Variants in KCNH5 observed in about 807,000 individuals in gnomAD.
The protein encoded by KCNH5 is potassium voltage-gated channel subfamily H member 5.
A neutral mutation model predicts 96.1 loss-of-function variants in KCNH5; 46 were observed. The observed-to-expected ratio is 0.48, with a 90% CI of 0.38 to 0.61. The LOEUF is 0.61. Ranked by LOEUF, KCNH5 falls within the 20% of genes least tolerant of loss-of-function variation. The pLI is 0.00. For synonymous variants in KCNH5, 439 were observed against 449.8 expected (o/e 0.98, Z 0.30); for missense variants, 907 against 1,225.8 (o/e 0.74, Z 3.88).
At chr14:62,771,517 C>T (rs1295992366) in intron 10 of KCNH5, among the ~76,000 whole-genome samples, 5 of 151,832 alleles carry the variant, frequency 3.3e-5, no homozygotes, top group Admixed American at 2.0e-4. Flanking sequence ...CCCAGCTACT[C>T]GGGAGGCTGA....
chr14:62,802,623 A>T, intron 8 of KCNH5, 42 bp from the exon 9 acceptor site: 1 of 1,601,860 alleles, frequency 6.2e-7, no homozygotes, highest in South Asian at 1.1e-5. Flanking sequence ...GGAAAGAGGA[A>T]GGGGCCACTT....
chr14:63,024,378 GA>G (rs1165935953), intron 1 of KCNH5, among the ~76,000 whole-genome samples: 1 of 151,702 alleles, frequency 6.6e-6, no homozygotes, highest in East Asian at 1.9e-4. Context: ...CAGTGAACTA[GA>G]AAAAGAAGAA....
intron 1 of KCNH5, among the ~76,000 whole-genome samples, chr14:63,029,763 T>G (rs1361625090): frequency 1.3e-5 from 2 of 152,118 alleles, no homozygotes. Flanking sequence ...ATTTCTCTAT[T>G]CATTGAAACA....
intron 8 of KCNH5, among the ~76,000 whole-genome samples, chr14:62,815,815 G>A (rs188211810): frequency 4.6e-5 from 7 of 152,034 alleles, no homozygotes; most frequent in Admixed American, 2.0e-4. Flanking sequence ...TTCCAATAGA[G>A]AGAGCAAAGT....
At chr14:62,855,168 C>T (rs1040640299) in intron 7 of KCNH5, among the ~76,000 whole-genome samples, 2 of 152,018 alleles carry the variant, frequency 1.3e-5, no homozygotes, top group African/African-American at 4.8e-5. Flanking sequence ...TGGCCAATAG[C>T]TTTGGCTGAA....
chr14:62,699,489 G>A lies in KCNH5; in HGVS notation c.*8019C>T, dbSNP rs964574155. On this transcript the variant is annotated 3_prime_UTR_variant, in exon 11 of 11. Transcript: ENST00000322893. ...TTCCATAAAATGCACATTTTATTCT[G>A]TATCATGAAAAAATATCCACATTTA... is the stretch of plus-strand genomic sequence containing the variant. 6.6e-6 allele frequency: 1 copy of A among 152,026 alleles called. No individual in the cohort carries two copies. The highest frequency in any genetic ancestry group is 2.4e-5 in the African/African-American group (1 of 41,408). The allele number at this position is 152,026 out of a possible 1,614,324, so 9.4% of individuals were successfully genotyped here.
chr14:62,725,915 A>G (rs1004424188), intron 10 of KCNH5, among the ~76,000 whole-genome samples: 1 of 152,222 alleles, frequency 6.6e-6, no homozygotes. Flanking sequence ...ACTAAGAATG[A>G]CAGTAATTGA....
chr14:62,781,876 A>T (rs1886226481), intron 9 of KCNH5, among the ~76,000 whole-genome samples: 1 of 152,228 alleles, frequency 6.6e-6, no homozygotes, highest in African/African-American at 2.4e-5. Flanking sequence ...TAAGAGATTA[A>T]AGACAGGCAT....
intron 5 of KCNH5, among the ~76,000 whole-genome samples, chr14:62,981,955 T>TACAGCAGAAAACA (rs1890616247): frequency 3.3e-5 from 5 of 152,078 alleles, no homozygotes; most frequent in Admixed American, 3.3e-4. Flanking sequence ...TTACACTAAT[T>TACAGCAGAAAACA]AAGTCTAATT....
chr14:62,798,807 C>G (rs545143093), intron 9 of KCNH5, among the ~76,000 whole-genome samples: 22 of 152,112 alleles, frequency 1.4e-4, no homozygotes, highest in Non-Finnish European at 2.9e-4. Flanking sequence ...ACGTGCCTAT[C>G]GAGAGACTGT....
At chr14:62,906,372 A>AG (rs1041013890) in intron 7 of KCNH5, among the ~76,000 whole-genome samples, 4 of 152,328 alleles carry the variant, frequency 2.6e-5, no homozygotes, top group African/African-American at 9.6e-5. Flanking sequence ...GGGAAGTCAG[A>AG]GAAGGCTTCT....
intron 7 of KCNH5, among the ~76,000 whole-genome samples, chr14:62,899,089 T>C (rs1888871381): frequency 6.6e-6 from 1 of 152,134 alleles, no homozygotes; most frequent in Admixed American, 6.6e-5. Context: ...TAATTACAGA[T>C]TTGGACAACA....
At chr14:62,728,621 GCT>G (rs1366720165) in intron 10 of KCNH5, among the ~76,000 whole-genome samples, 3 of 152,098 alleles carry the variant, frequency 2.0e-5, no homozygotes, top group Non-Finnish European at 4.4e-5. Context: ...CTGCTGTCAT[GCT>G]GATTGACATT....
At chr14:62,888,957 C>T (rs570939439) in intron 7 of KCNH5, among the ~76,000 whole-genome samples, 2 of 152,312 alleles carry the variant, frequency 1.3e-5, no homozygotes, top group South Asian at 2.1e-4. Flanking sequence ...TAATCTGGGA[C>T]AGGCAAAAGT....
intron 7 of KCNH5, among the ~76,000 whole-genome samples, chr14:62,907,070 T>C (rs2140097405): frequency 6.6e-6 from 1 of 152,356 alleles, no homozygotes; most frequent in East Asian, 1.9e-4. Context: ...ATTCTGACTA[T>C]ACTTTCCACA....
intron 9 of KCNH5, among the ~76,000 whole-genome samples, chr14:62,797,776 C>T (rs1374217027): frequency 6.6e-6 from 1 of 151,238 alleles, no homozygotes; most frequent in Non-Finnish European, 1.5e-5. Flanking sequence ...AGTACAGTGG[C>T]GTGATCTCAG....
At chr14:62,932,076 T>TCCC (rs1276023199) in intron 7 of KCNH5, among the ~76,000 whole-genome samples, 1 of 151,970 alleles carries the variant, frequency 6.6e-6, no homozygotes, top group African/African-American at 2.4e-5. Context: ...TTCCACAAAA[T>TCCC]AACCCAATTA....
intron 9 of KCNH5, among the ~76,000 whole-genome samples, chr14:62,794,215 C>T (rs925883895): frequency 2.0e-5 from 3 of 151,902 alleles, no homozygotes; most frequent in African/African-American, 7.2e-5. Context: ...GTAACGTATA[C>T]TGTTATGGTG....
At chr14:62,875,264 G>A (rs1476539236) in intron 7 of KCNH5, among the ~76,000 whole-genome samples, 1 of 151,474 alleles carries the variant, frequency 6.6e-6, no homozygotes, top group Non-Finnish European at 1.5e-5. Flanking sequence ...TGGCCATACT[G>A]CCCAAGGTAA....
Sources: allele counts gnomAD v4.1 joint callset (sites outside exome capture counted in the v4.1 genomes callset), GRCh38; gene constraint gnomAD v4.1.1; transcripts MANE v1.5; gene names NCBI Gene and HGNC (gene_info 2026-07-23, HGNC 2026-07-21).